SYNPO2: variants seen among roughly 807,000 people sequenced by gnomAD.
SYNPO2 encodes the protein synaptopodin 2.
In SYNPO2, 56 loss-of-function variants were observed where a neutral mutation model predicts 85.0. The observed-to-expected ratio is 0.66, with a 90% CI of 0.53 to 0.82. The LOEUF (loss-of-function observed/expected upper bound fraction) is 0.82. SYNPO2 is among the 40% of genes least tolerant of loss of function. The pLI is 0.00. For missense variants in SYNPO2, 1,575 were observed against 1,534.2 expected (o/e 1.03, Z -0.44); for synonymous variants, 602 against 591.1 (o/e 1.02, Z -0.27).
At chr4:118,963,984 G>A (rs1042024160) in intron 1 of SYNPO2, among the ~76,000 whole-genome samples, 2 of 152,152 alleles carry the variant, frequency 1.3e-5, no homozygotes, top group Non-Finnish European at 2.9e-5. Flanking sequence ...GTGATGCATG[G>A]CTCTCACTGA....
chr4:118,876,301 AGTAACT>A (rs1731906220), intron 1 of SYNPO2, among the ~76,000 whole-genome samples: 1 of 152,170 alleles, frequency 6.6e-6, no homozygotes, highest in East Asian at 1.9e-4. Flanking sequence ...CTGCTTTTCA[AGTAACT>A]GTCTCCTTGT....
chr4:118,884,569 C>A (rs1194439589), upstream of SYNPO2, among the ~76,000 whole-genome samples: 1 of 152,146 alleles, frequency 6.6e-6, no homozygotes, highest in Non-Finnish European at 1.5e-5. Context: ...CTACCTAAAC[C>A]AATAGCTACT....
intron 1 of SYNPO2, among the ~76,000 whole-genome samples, chr4:118,975,746 C>T (rs920576752): frequency 9.9e-5 from 15 of 152,158 alleles, no homozygotes; most frequent in Admixed American, 8.5e-4. Context: ...TCAGAGCCAA[C>T]CAGCATTAAG....
intron 1 of SYNPO2, among the ~76,000 whole-genome samples, chr4:118,873,363 TTTTG>T (rs1022474624): frequency 1.3e-5 from 2 of 152,126 alleles, no homozygotes; most frequent in Non-Finnish European, 2.9e-5. Flanking sequence ...TCTGTTATTT[TTTTG>T]TTTTTGTTTT....
At chr4:118,878,647 G>A (rs1056591277) in intron 1 of SYNPO2, among the ~76,000 whole-genome samples, 2 of 151,850 alleles carry the variant, frequency 1.3e-5, no homozygotes, top group Admixed American at 6.6e-5. Flanking sequence ...GTTTATAAAC[G>A]CACCAATCAG....
intron 4 of SYNPO2, chr4:119,037,742 G>A (rs896988581): frequency 2.5e-6 from 2 of 788,394 alleles, no homozygotes; most frequent in African/African-American, 3.8e-5. Context: ...CACAAAATTT[G>A]GGCCCTGATT....
chr4:118,996,958 A>G (rs2149171061), intron 1 of SYNPO2, among the ~76,000 whole-genome samples: 1 of 150,564 alleles, frequency 6.6e-6, no homozygotes, highest in South Asian at 2.1e-4. Context: ...AAAAGAAAAA[A>G]GGCCGGGCGC....
At chr4:118,900,989 C>A (rs918228471) in intron 1 of SYNPO2, among the ~76,000 whole-genome samples, 2 of 151,544 alleles carry the variant, frequency 1.3e-5, no homozygotes, top group Admixed American at 6.6e-5. Context: ...TGCCATAAGC[C>A]GAGATATTCC....
chr4:118,932,037 A>C (rs1733948820), intron 1 of SYNPO2, among the ~76,000 whole-genome samples: 1 of 152,218 alleles, frequency 6.6e-6, no homozygotes, highest in Admixed American at 6.5e-5. Context: ...AAGTATAGGC[A>C]GTGTGCCTGC....
At chr4:119,033,785 T>A in intron 4 of SYNPO2, 2 of 984,848 alleles carry the variant, frequency 2.0e-6, no homozygotes, top group Non-Finnish European at 2.4e-6. Context: ...GCTATTCTGA[T>A]CTAAATAATT....
At chr4:118,913,334 T>C (rs1733202409) in intron 1 of SYNPO2, among the ~76,000 whole-genome samples, 1 of 152,154 alleles carries the variant, frequency 6.6e-6, no homozygotes, top group African/African-American at 2.4e-5. Flanking sequence ...ACCGAGAACT[T>C]CCAGACCTAG....
chr4:119,018,968 T>C (rs1737619613), intron 1 of SYNPO2, among the ~76,000 whole-genome samples: 1 of 152,032 alleles, frequency 6.6e-6, no homozygotes, highest in Admixed American at 6.6e-5. Context: ...GTTTTTGAAG[T>C]TGGTAAGCTG....
At chr4:119,038,476 A>G in intron 4 of SYNPO2, 1 of 985,408 alleles carries the variant, frequency 1.0e-6, no homozygotes, top group Non-Finnish European at 1.2e-6. Context: ...AATGGGGAAG[A>G]ATGTGATTTT....
At chr4:118,958,475 C>T (rs926184090) in intron 1 of SYNPO2, among the ~76,000 whole-genome samples, 1 of 152,048 alleles carries the variant, frequency 6.6e-6, no homozygotes, top group Non-Finnish European at 1.5e-5. Flanking sequence ...GGCTTAAGGA[C>T]CTAGACAAGC....
At chr4:118,919,628 G>A (rs966493985) in intron 1 of SYNPO2, among the ~76,000 whole-genome samples, 2 of 152,142 alleles carry the variant, frequency 1.3e-5, no homozygotes, top group Admixed American at 6.6e-5. Flanking sequence ...GTAGAAGATG[G>A]TATAGGGGAC....
intron 4 of SYNPO2, chr4:119,036,517 G>A: frequency 6.1e-6 from 6 of 985,380 alleles, no homozygotes; most frequent in Non-Finnish European, 7.2e-6. Flanking sequence ...GGTTGGCCAA[G>A]GGCCACAAAG....
At chr4:118,885,948 T>C (rs954293941), upstream of SYNPO2, among the ~76,000 whole-genome samples, 6 of 152,200 alleles carry the variant, frequency 3.9e-5, no homozygotes, top group African/African-American at 1.4e-4. Flanking sequence ...AAAGCACTGT[T>C]AATTATCAGT....
chr4:118,924,607 A>T lies in SYNPO2; in HGVS notation c.105+35466A>T, dbSNP rs1414389706. Among the ~76,000 whole-genome samples the T allele has an allele frequency of 2.0e-5, 3 of 152,150 alleles. 1 individual carries two copies. Among genetic ancestry groups the T allele is most frequent in the Admixed American group, 1.3e-4 (2 of 15,262 alleles). On this transcript the variant is annotated intron_variant, in intron 1 of 4. Transcript: ENST00000307142. ...ATATACCCATCTTTTCAGACACTTGACAGGCACTTGGCCTTTGGCCCTATC... is the reference window on the plus strand; with the variant it reads ...ATATACCCATCTTTTCAGACACTTGTCAGGCACTTGGCCTTTGGCCCTATC...
chr4:118,880,526 G>C (rs1432795823), intron 1 of SYNPO2, among the ~76,000 whole-genome samples: 1 of 152,098 alleles, frequency 6.6e-6, no homozygotes, highest in South Asian at 2.1e-4. Flanking sequence ...GAGGCAGTTG[G>C]ATCACGAGGT....
Sources: allele counts gnomAD v4.1 joint callset (sites outside exome capture counted in the v4.1 genomes callset), GRCh38; gene constraint gnomAD v4.1.1; transcripts MANE v1.5; gene names NCBI Gene and HGNC (gene_info 2026-07-23, HGNC 2026-07-21).